HS2ST1: variants seen among roughly 807,000 people sequenced by gnomAD.
HS2ST1 encodes the protein heparan sulfate 2-O-sulfotransferase 1, also known as 2-O-sulfotransferase.
A neutral mutation model predicts 42.9 loss-of-function variants in HS2ST1; 18 were observed. The observed-to-expected ratio is 0.42, with a 90% CI of 0.29 to 0.62. The LOEUF is 0.62. Among genes scored for constraint, HS2ST1 ranks in the 20% least tolerant of loss-of-function variants. The pLI is 0.21. For missense variants in HS2ST1, 334 were observed against 433.8 expected (o/e 0.77, Z 2.04); for synonymous variants, 146 against 152.9 (o/e 0.95, Z 0.33).
At chr1:87,032,161 C>G (rs144937801) in intron 1 of HS2ST1, among the ~76,000 whole-genome samples, 36 of 152,216 alleles carry the variant, frequency 2.4e-4, no homozygotes, top group Non-Finnish European at 4.6e-4. Context: ...AAACACTGTT[C>G]TGCAAATAAT....
intron 5 of HS2ST1, chr1:87,098,550 C>A (rs1385108344): frequency 5.0e-6 from 1 of 200,836 alleles, no homozygotes; most frequent in Non-Finnish European, 8.9e-6. Flanking sequence ...TTCAAAGTTT[C>A]TTCCATAAAC....
chr1:86,996,677 A>G (rs1364054559), intron 1 of HS2ST1, among the ~76,000 whole-genome samples: 1 of 152,190 alleles, frequency 6.6e-6, no homozygotes, highest in Non-Finnish European at 1.5e-5. Flanking sequence ...GGAGAAACAG[A>G]CAACTGAAGG....
rs1660459097 is a variant in HS2ST1, at chr1:86,928,082, C to T, written c.124+12922C>T. On this transcript the variant is annotated intron_variant, in intron 1 of 6. Coordinates refer to ENST00000370550, the MANE Select transcript of HS2ST1 (RefSeq NM_012262.4). The stretch of plus-strand genomic sequence containing the variant: ...GAAGAAACTAACTGCGCAGCATAAA[C>T]ATTCAAACTAAAATCTTGCTGCAAA... Among the ~76,000 whole-genome samples, 5 of 152,144 alleles carry T rather than the reference C, an allele frequency of 3.3e-5. No homozygotes were observed. The South Asian group carries it at 1.0e-3, about 32-fold the overall frequency.
At chr1:87,102,110 T>A (rs1749448) in intron 5 of HS2ST1, among the ~76,000 whole-genome samples, 105,300 of 151,508 alleles carry the variant, frequency 0.7, 38,817 homozygotes, top group East Asian at 0.97. Flanking sequence ...CAGGCTGGAG[T>A]GCAATGGTGT....
chr1:87,090,163 T>A lies in HS2ST1; in HGVS notation c.450-2368T>A, dbSNP rs138645977. 5.2e-3 allele frequency among the ~76,000 whole-genome samples: 792 copies of A among 152,128 alleles called. 10 individuals are homozygous for A. Among genetic ancestry groups the A allele is most frequent in the African/African-American group, 0.018 (750 of 41,536 alleles). On this transcript the variant is annotated intron_variant, in intron 3 of 6. Coordinates refer to ENST00000370550, the MANE Select transcript of HS2ST1 (RefSeq NM_012262.4). ...CTTACTTTCTTACTACTCAGTGTACTCTCTGGCAGGAAGGCTTTTGTTAGT... is the reference window on the plus strand; with the variant it reads ...CTTACTTTCTTACTACTCAGTGTACACTCTGGCAGGAAGGCTTTTGTTAGT...
At chr1:87,038,766 C>T (rs12067466) in intron 1 of HS2ST1, among the ~76,000 whole-genome samples, 5,246 of 151,858 alleles carry the variant, frequency 0.035, 182 homozygotes, top group African/African-American at 0.088. Context: ...GAACCAAAAA[C>T]TAATAATAGT....
rs570517756 is a variant in HS2ST1 at position 87,109,737 on chromosome 1, A to C, written c.*5041A>C. ...TTAACAGAATTTGGTTTGTACTTGCAGTGGCTGAACAAAGAGCATGGCTTG... is the reference window on the plus strand; with the variant it reads ...TTAACAGAATTTGGTTTGTACTTGCCGTGGCTGAACAAAGAGCATGGCTTG... On this transcript the variant is annotated 3_prime_UTR_variant, in exon 7 of 7. Coordinates refer to ENST00000370550, the MANE Select transcript of HS2ST1 (RefSeq NM_012262.4). 6.6e-6 allele frequency: 1 copy of C among 152,254 alleles called. No homozygotes were observed. Among genetic ancestry groups the C allele is most frequent in the South Asian group, 2.1e-4 (1 of 4,824 alleles). The allele number at this position is 152,254 out of a possible 1,614,324, so 9.4% of individuals were successfully genotyped here. A position where few individuals can be genotyped will look rare whatever the true frequency, so the allele number is the denominator to read the frequency against.
At position 87,106,850 on chromosome 1, in the gene HS2ST1, A is replaced by C. The variant is rs1570551897; in HGVS notation, c.*2154A>C. The C allele has an allele frequency of 1.3e-5, 2 of 152,188 alleles. No individual in the cohort carries two copies. The highest frequency in any genetic ancestry group is 2.9e-5 in the Non-Finnish European group (2 of 67,940). 9.4% of individuals were successfully genotyped at this position (152,188 alleles called of 1,614,324 possible). ...AAGTTATTCTTGCACCACATGCTCA[A>C]ATCTTCTTGAGGTGCATTAACTCTT... On this transcript the variant is annotated 3_prime_UTR_variant, in exon 7 of 7. Transcript: ENST00000370550.
intron 2 of HS2ST1, among the ~76,000 whole-genome samples, chr1:87,076,330 G>T (rs1651542209): frequency 6.6e-6 from 1 of 151,992 alleles, no homozygotes; most frequent in Non-Finnish European, 1.5e-5. Flanking sequence ...AGGTAATTAG[G>T]GGTTAAATAT....
chr1:86,993,591 A>G (rs1368232865), intron 1 of HS2ST1, among the ~76,000 whole-genome samples: 2 of 152,208 alleles, frequency 1.3e-5, no homozygotes, highest in East Asian at 1.9e-4. Flanking sequence ...AAAATACTAT[A>G]TGGATATATA....
At chr1:87,002,609 CAA>C (rs61052257) in intron 1 of HS2ST1, among the ~76,000 whole-genome samples, 46 of 98,286 alleles carry the variant, frequency 4.7e-4, no homozygotes, top group African/African-American at 1.1e-3. Context: ...GACTTTGTCT[CAA>C]AAAAAAAAAA....
At chr1:86,991,607 C>G (rs1001945386) in intron 1 of HS2ST1, among the ~76,000 whole-genome samples, 3 of 152,170 alleles carry the variant, frequency 2.0e-5, no homozygotes, top group Non-Finnish European at 4.4e-5. Flanking sequence ...TCAGGCTATG[C>G]TTAATTTAAC....
chr1:87,015,474 G>C (rs1389757078), intron 1 of HS2ST1, among the ~76,000 whole-genome samples: 1 of 151,308 alleles, frequency 6.6e-6, no homozygotes, highest in South Asian at 2.1e-4. Context: ...CAGCCTCCTA[G>C]TAGCTGGGAC....
At chr1:87,021,040 A>G (rs1170374984) in intron 1 of HS2ST1, among the ~76,000 whole-genome samples, 1 of 152,264 alleles carries the variant, frequency 6.6e-6, no homozygotes, top group South Asian at 2.1e-4. Flanking sequence ...CCTTTCTCCT[A>G]TTCCAGACAT....
At chr1:87,000,229 A>T (rs918090930) in intron 1 of HS2ST1, among the ~76,000 whole-genome samples, 4 of 152,302 alleles carry the variant, frequency 2.6e-5, no homozygotes, top group Admixed American at 2.6e-4. Context: ...GACCTTATCA[A>T]ATGTACAGGT....
intron 1 of HS2ST1, among the ~76,000 whole-genome samples, chr1:86,929,495 T>C (rs1441133344): frequency 6.6e-6 from 1 of 151,886 alleles, no homozygotes; most frequent in African/African-American, 2.4e-5. Flanking sequence ...ATATAAATTC[T>C]AGAAAAGCTA....
At position 87,104,577 on chromosome 1, in the gene HS2ST1, G is replaced by A. The variant is rs767363317; in HGVS notation, c.952G>A (p.Glu318Lys). The A allele has an allele frequency of 1.2e-6, 2 of 1,613,110 alleles. No individual in the cohort carries two copies. The highest frequency in any genetic ancestry group is 1.7e-6 in the Non-Finnish European group (2 of 1,179,258). Residue 318 changes from glutamate (E) to lysine (K), a missense_variant, in exon 7 of 7, where the codon GAA becomes AAA. Glu to Lys is a moderately conservative substitution (Grantham distance 56, BLOSUM62 1). Coordinates refer to ENST00000370550, the MANE Select transcript of HS2ST1 (RefSeq NM_012262.4). ...TTGGAAAATGGAGAATGAGTTCTAT[G>A]AATTTGCACTAGAGCAGTTCCAATT... ...DIWKMENEFY[E>K]FALEQFQFIR...
chr1:87,056,681 T>G (rs763276603), intron 1 of HS2ST1, among the ~76,000 whole-genome samples: 9 of 152,198 alleles, frequency 5.9e-5, no homozygotes, highest in East Asian at 1.9e-4. Context: ...ATTGGTGGTG[T>G]TATAATGAAT....
At chr1:86,993,236 T>C (rs778997072) in intron 1 of HS2ST1, 3 of 1,313,062 alleles carry the variant, frequency 2.3e-6, no homozygotes, top group Non-Finnish European at 3.1e-6. Flanking sequence ...TATGCAACCA[T>C]ACTTAGAAAT....
Sources: gnomAD v4.1 joint callset for allele counts (sites outside exome capture counted in the v4.1 genomes callset) on GRCh38, gnomAD v4.1.1 for gene constraint, MANE v1.5 for transcripts, NCBI Gene and HGNC (gene_info 2026-07-23, HGNC 2026-07-21) for gene names.